NECTIN1: variants seen among roughly 807,000 people sequenced by gnomAD.
The protein encoded by NECTIN1 is nectin cell adhesion molecule 1, also known as nectin-1.
NECTIN1 carries 23 observed loss-of-function variants against 48.0 expected under a neutral mutation model. That is an observed-to-expected ratio of 0.48 (90% confidence interval 0.34 to 0.68). The LOEUF (loss-of-function observed/expected upper bound fraction) is 0.68. Among genes scored for constraint, NECTIN1 ranks in the 30% least tolerant of loss-of-function variants. The pLI is 0.01. For missense variants in NECTIN1, 591 were observed against 709.9 expected (o/e 0.83, Z 1.90); for synonymous variants, 270 against 288.9 (o/e 0.93, Z 0.66).
chr11:119,663,483 C>T lies in NECTIN1; in HGVS notation c.*1264G>A, dbSNP rs762487633. The stretch of plus-strand genomic sequence containing the variant: ...GGCTGAGCAGGAGGTGGCCTAGCGG[C>T]CCCACCCCCCTCACTTTCTGCCAGG... On this transcript the variant is annotated 3_prime_UTR_variant, in exon 6 of 6. Transcript: ENST00000264025. The T allele has an allele frequency of 3.6e-5, 35 of 985,428 alleles. No homozygotes were observed. Among genetic ancestry groups the T allele is most frequent in the Non-Finnish European group, 4.1e-5 (34 of 830,026 alleles). 61.0% of individuals were successfully genotyped at this position (985,428 alleles called of 1,614,324 possible).
Position 119,689,333 on chromosome 11 carries a change from T to C in NECTIN1, c.80-10568A>G, listed in dbSNP as rs188850782. On this transcript the variant is annotated intron_variant, in intron 1 of 5. Coordinates refer to ENST00000264025, the MANE Select transcript of NECTIN1 (RefSeq NM_002855.5). Reference sequence around the variant, plus strand: ...CGCAGCCTCAGGAGCAGCACACACATGTGCACACGCACCTTCCCTGTGGCA... The same window carrying C: ...CGCAGCCTCAGGAGCAGCACACACACGTGCACACGCACCTTCCCTGTGGCA... Among the ~76,000 whole-genome samples the C allele has an allele frequency of 6.8e-4, 103 of 152,306 alleles. 3 individuals are homozygous for C. The East Asian group carries it at 0.019, about 28-fold the overall frequency.
At chr11:119,643,383 C>T (rs1003293642) in intron 5 of NECTIN1, among the ~76,000 whole-genome samples, 1 of 152,214 alleles carries the variant, frequency 6.6e-6, no homozygotes, top group Non-Finnish European at 1.5e-5. Flanking sequence ...ATAATGTTAT[C>T]CCTGATGAGC....
chr11:119,641,895 T>TG (rs1864332205), intron 5 of NECTIN1: 1 of 151,800 alleles, frequency 6.6e-6, no homozygotes, highest in Admixed American at 6.5e-5. Flanking sequence ...GCTAATTTTT[T>TG]TTTTTTTGTA....
Position 119,665,249 on chromosome 11 carries a change from G to C in NECTIN1, c.1052C>G (p.Pro351Arg), listed in dbSNP as rs748315490. The stretch of plus-strand genomic sequence containing the variant: ...GCCCCCAATGATGGCCGTGGGCACC[G>C]GCCCGGCGCGCCGCCCATGTTCGGG... Reference protein sequence around the residue: ...SPPEHGRRAGPVPTAIIGGVA... With the variant: ...SPPEHGRRAGRVPTAIIGGVA... The change falls in exon 6 of 6, where the codon CCG becomes CGG. Residue 351 changes from proline to arginine, a missense_variant. By Grantham distance (103) the Pro-to-Arg change is moderately radical (BLOSUM62 -2). Transcript: ENST00000264025. This position sits in a 1 kb window ranked among gnomAD's most constrained non-coding sequence, Gnocchi z 5.1. 16 of 1,598,660 alleles carry C rather than the reference G, an allele frequency of 1.0e-5. No homozygotes were observed. The highest frequency in any genetic ancestry group is 1.3e-5 in the Non-Finnish European group (15 of 1,177,402).
At position 119,686,467 on chromosome 11, in the gene NECTIN1, C is replaced by T. The variant is rs1865156186; in HGVS notation, c.80-7702G>A. ...TCCTGCCTCCAGCTCCACCCTGAAA[C>T]TCCTTCACTCAGCTGCCAGAGGGAT... On this transcript the variant is annotated intron_variant, in intron 1 of 5. Transcript: ENST00000264025. 2.0e-5 allele frequency among the ~76,000 whole-genome samples: 3 copies of T among 152,218 alleles called. No homozygotes were observed. In the South Asian group the frequency reaches 6.2e-4, roughly 32 times the overall value.
At chr11:119,671,795 C>T (rs1001241619) in intron 5 of NECTIN1, among the ~76,000 whole-genome samples, 1 of 152,184 alleles carries the variant, frequency 6.6e-6, no homozygotes, top group Non-Finnish European at 1.5e-5. Context: ...GGCAGGGCCT[C>T]GGCAAGCTGG....
chr11:119,665,126 T>C lies in NECTIN1; in HGVS notation c.1175A>G (p.Lys392Arg). Residue 392 changes from lysine to arginine, a missense_variant, in exon 6 of 6, where the codon AAG (lysine) becomes AGG (arginine). Coordinates refer to ENST00000264025, the MANE Select transcript of NECTIN1 (RefSeq NM_002855.5). This position sits in a 1 kb window ranked among gnomAD's most constrained non-coding sequence, Gnocchi z 5.1. Reference protein sequence around the residue: ...RHTFKGDYSTKKHVYGNGYSK... With the variant: ...RHTFKGDYSTRKHVYGNGYSK... ...GTAGCCGTTGCCATACACGTGCTTC[T>C]TGGTGCTGTAGTCACCCTTGAAGGT... 6.2e-7 allele frequency: 1 copy of C among 1,614,066 alleles called. No individual in the cohort carries two copies. The highest frequency in any genetic ancestry group is 8.5e-7 in the Non-Finnish European group (1 of 1,180,004).
chr11:119,707,954 A>G lies in NECTIN1; in HGVS notation c.79+20521T>C, dbSNP rs182256004. Among the ~76,000 whole-genome samples, 12 of 152,346 alleles carry G rather than the reference A, an allele frequency of 7.9e-5. No individual in the cohort carries two copies. The East Asian group carries it at 2.3e-3, about 29-fold the overall frequency. On this transcript the variant is annotated intron_variant, in intron 1 of 5. Coordinates refer to ENST00000264025, the MANE Select transcript of NECTIN1 (RefSeq NM_002855.5). Reference sequence around the variant, plus strand: ...GTAGTGGCAAGAGGAAGGAGCGTGGAGGAATAAGAAAGACTAAGACATTTT... The same window carrying G: ...GTAGTGGCAAGAGGAAGGAGCGTGGGGGAATAAGAAAGACTAAGACATTTT...
At position 119,663,005 on chromosome 11, in the gene NECTIN1, A is replaced by G. The variant is rs1453461617; in HGVS notation, c.*1742T>C. ...AGAAATGGAGCTGGCAGGGGGTTCA[A>G]TAGCAGCACCAGGGAGGGGAGGGGA... On this transcript the variant is annotated 3_prime_UTR_variant, in exon 6 of 6. Transcript: ENST00000264025. 3 of 684,060 alleles carry G rather than the reference A, an allele frequency of 4.4e-6. No individual in the cohort carries two copies. Among genetic ancestry groups the G allele is most frequent in the Non-Finnish European group, 5.3e-6 (3 of 561,012 alleles). 42.4% of individuals were successfully genotyped at this position (684,060 alleles called of 1,614,324 possible).
In NECTIN1 at chr11:119,665,306, G is replaced by T; in HGVS notation, c.1004-9C>A. 6.3e-7 allele frequency: 1 copy of T among 1,578,960 alleles called. No homozygotes were observed. On this transcript the variant is annotated splice_polypyrimidine_tract_variant and intron_variant, in intron 5 of 5. Coordinates refer to ENST00000264025, the MANE Select transcript of NECTIN1 (RefSeq NM_002855.5). This position sits in a 1 kb window ranked among gnomAD's most constrained non-coding sequence, Gnocchi z 5.1. ...CGGGGTGTAGGGGAATTCTGGGTGA[G>T]GAAAAGAGATGGAGGGGACAGCATC...
chr11:119,675,485 A>G (rs1169898809), intron 4 of NECTIN1, 175 bp from the exon 5 acceptor site: 1 of 655,164 alleles, frequency 1.5e-6, no homozygotes, highest in Non-Finnish European at 2.6e-6. Flanking sequence ...GTAGTTTTAT[A>G]TTATTCAGCT....
At chr11:119,679,818 G>A (rs184431023) in intron 1 of NECTIN1, among the ~76,000 whole-genome samples, 1 of 152,210 alleles carries the variant, frequency 6.6e-6, no homozygotes, top group African/African-American at 2.4e-5. Flanking sequence ...CCACCTAGAT[G>A]GCCCTTCCCC....
intron 5 of NECTIN1, among the ~76,000 whole-genome samples, chr11:119,654,802 C>A (rs1238420027): frequency 6.6e-6 from 1 of 152,078 alleles, no homozygotes; most frequent in African/African-American, 2.4e-5. Context: ...AACTCCTGAC[C>A]TTGTGATCTG....
chr11:119,714,013 G>T, intron 1 of NECTIN1: 1 of 363,222 alleles, frequency 2.8e-6, no homozygotes, highest in South Asian at 2.0e-5. Context: ...TTGGTATTCA[G>T]GACAGAGGCT....
chr11:119,695,347 C>T (rs1865325250), intron 1 of NECTIN1, among the ~76,000 whole-genome samples: 1 of 142,344 alleles, frequency 7.0e-6, no homozygotes, highest in Non-Finnish European at 1.5e-5. Flanking sequence ...GTGGAAAACT[C>T]CTACCCACCC....
In NECTIN1 at chr11:119,674,753, C is replaced by T; in HGVS notation, c.1003+406G>A. On this transcript the variant is annotated intron_variant, in intron 5 of 5. Transcript: ENST00000264025. ...CTTGAGGTAAGCCTCACTTTCTGGC[C>T]CATGAAGAGGTCCTTGACCACAGGT... is the stretch of plus-strand genomic sequence containing the variant. 5 of 1,602,536 alleles carry T rather than the reference C, an allele frequency of 3.1e-6. No individual in the cohort carries two copies. The South Asian group carries it at 5.5e-5, about 18-fold the overall frequency.
At position 119,709,162 on chromosome 11, in the gene NECTIN1, G is replaced by A. The variant is rs1209276849; in HGVS notation, c.79+19313C>T. ...GCCACACCACCTATTTTTGAAGACA[G>A]GCGGGTCCCTTGGTAATAGAACAGG... On this transcript the variant is annotated intron_variant, in intron 1 of 5. Coordinates refer to ENST00000264025, the MANE Select transcript of NECTIN1 (RefSeq NM_002855.5). The surrounding 1 kb of genome is among the most constrained non-coding windows in gnomAD (Gnocchi z 4.1). 1.3e-5 allele frequency among the ~76,000 whole-genome samples: 2 copies of A among 152,148 alleles called. No homozygotes were observed. Among genetic ancestry groups the A allele is most frequent in the Admixed American group, 6.5e-5 (1 of 15,278 alleles).
exon 8 of NECTIN1, chr11:119,638,237 A>G: frequency 6.2e-7 from 1 of 1,614,048 alleles, no homozygotes; most frequent in East Asian, 2.2e-5. Flanking sequence ...CCCTGGGTCC[A>G]GGTGGACAAC....
chr11:119,699,435 C>T (rs937518207), intron 1 of NECTIN1, among the ~76,000 whole-genome samples: 5 of 152,182 alleles, frequency 3.3e-5, no homozygotes, highest in Non-Finnish European at 5.9e-5. Context: ...CTCCCCAGGC[C>T]GGCCACACCC....
Sources: allele counts gnomAD v4.1 joint callset (sites outside exome capture counted in the v4.1 genomes callset), GRCh38; gene constraint gnomAD v4.1.1; non-coding constraint Gnocchi (gnomAD v3.1); transcripts MANE v1.5; gene names NCBI Gene and HGNC (gene_info 2026-07-23, HGNC 2026-07-21).